Variants in RAI1 observed in about 807,000 individuals in gnomAD.
RAI1 encodes the protein retinoic acid-induced protein 1.
RAI1 carries 9 observed loss-of-function variants against 123.8 expected under a neutral mutation model. That is an observed-to-expected ratio of 0.07 (90% CI 0.04 to 0.13). RAI1 has a LOEUF of 0.13. Among genes scored for constraint, RAI1 ranks in the 10% least tolerant of loss-of-function variants. The probability of loss-of-function intolerance (pLI) is 1.00; values close to 1 mark genes in which losing one functional copy is unlikely to be tolerated. For missense variants in RAI1, 2,256 were observed against 2,545.8 expected, an observed-to-expected ratio of 0.89 and a Z score of 2.45; for synonymous variants, 1,231 against 1,127.3, an observed-to-expected ratio of 1.09 and a Z score of -1.84.
intron 1 of RAI1, among the ~76,000 whole-genome samples, chr17:17,702,132 C>T (rs552535328): frequency 6.6e-6 from 1 of 152,306 alleles, no homozygotes; most frequent in East Asian, 1.9e-4. Flanking sequence ...AATTGGAGTT[C>T]AGCCCTGGCT....
In RAI1 at chr17:17,793,634, G is replaced by A; in HGVS notation, c.686G>A (p.Gly229Asp). 6.2e-7 allele frequency: 1 copy of A among 1,613,282 alleles called. No homozygotes were observed. Among genetic ancestry groups the A allele is most frequent in the South Asian group, 1.1e-5 (1 of 91,080 alleles). The change falls in exon 3 of 6, where the codon GGT (glycine) becomes GAT (aspartate). Residue 229 changes from glycine to aspartate, a missense_variant. Gly to Asp is a moderately conservative substitution (Grantham distance 94). This residue lies in a region of RAI1 where 336 missense variants were observed against 349.8 expected (regional missense o/e 0.96). Coordinates refer to ENST00000353383, the MANE Select transcript of RAI1 (RefSeq NM_030665.4). ...SSTYSSSVQG[G>D]GQGAHSYKSC... Reference sequence around the variant, plus strand: ...ACCTACTCCTCCTCTGTCCAGGGTGGTGGGCAGGGGGCCCACTCCTATAAG... The same window carrying A: ...ACCTACTCCTCCTCTGTCCAGGGTGATGGGCAGGGGGCCCACTCCTATAAG...
chr17:17,742,445 G>A (rs537321876), intron 2 of RAI1, among the ~76,000 whole-genome samples: 2 of 152,192 alleles, frequency 1.3e-5, no homozygotes, highest in African/African-American at 2.4e-5. Flanking sequence ...ATGAATGAAC[G>A]AGTGAATGAA....
At position 17,795,335 on chromosome 17, in the gene RAI1, A is replaced by C; in HGVS notation, c.2387A>C (p.Glu796Ala). 1 of 1,602,988 alleles carries C rather than the reference A, an allele frequency of 6.2e-7. No individual in the cohort carries two copies. The highest frequency in any genetic ancestry group is 8.5e-7 in the Non-Finnish European group (1 of 1,172,202). The change falls in exon 3 of 6, where the codon GAG becomes GCG. Residue 796 changes from glutamate to alanine, a missense_variant. By Grantham distance (107) the Glu-to-Ala change is moderately radical (BLOSUM62 -1). Transcript: ENST00000353383. This position sits in a 1 kb window ranked among gnomAD's most constrained non-coding sequence, Gnocchi z 5.9. ...EASACLGFQE[E>A]DPPGEKVASL... is the part of the protein sequence containing the mutation. ...TCGGCCTGCCTGGGCTTCCAGGAGGAGGACCCCCCTGGGGAGAAGGTGGCC... is the reference window on the plus strand; with the variant it reads ...TCGGCCTGCCTGGGCTTCCAGGAGGCGGACCCCCCTGGGGAGAAGGTGGCC...
At chr17:17,712,320 T>C (rs1915590322) in intron 1 of RAI1, among the ~76,000 whole-genome samples, 1 of 152,188 alleles carries the variant, frequency 6.6e-6, no homozygotes, top group African/African-American at 2.4e-5. Flanking sequence ...GAAGCAGGGC[T>C]CCAGAACAGA....
At chr17:17,734,968 A>G (rs1916381711) in intron 2 of RAI1, among the ~76,000 whole-genome samples, 1 of 152,170 alleles carries the variant, frequency 6.6e-6, no homozygotes, top group South Asian at 2.1e-4. Flanking sequence ...TCAACAGGAC[A>G]TGGGCTTTGC....
intron 1 of RAI1, among the ~76,000 whole-genome samples, chr17:17,700,576 T>C (rs1415022032): frequency 1.3e-5 from 2 of 152,032 alleles, no homozygotes; most frequent in African/African-American, 4.8e-5. Flanking sequence ...CGGAAGCAGC[T>C]GCGCGCCGGC....
chr17:17,710,800 G>C (rs1013639326), intron 1 of RAI1, among the ~76,000 whole-genome samples: 1 of 152,228 alleles, frequency 6.6e-6, no homozygotes, highest in Admixed American at 6.5e-5. Flanking sequence ...CTGTAGGTGG[G>C]GACCTTTGGG....
chr17:17,755,341 G>A (rs1181424608), intron 2 of RAI1, among the ~76,000 whole-genome samples: 1 of 152,236 alleles, frequency 6.6e-6, no homozygotes, highest in African/African-American at 2.4e-5. Context: ...GGGCGGGAGT[G>A]ATGCAGAAAG....
Position 17,754,189 on chromosome 17 carries a change from ATCTTTTT to A in RAI1, c.-17+30032_-17+30038del, listed in dbSNP as rs2030330822. 2.5e-5 allele frequency among the ~76,000 whole-genome samples: 3 copies of A among 119,020 alleles called. No individual in the cohort carries two copies. The Admixed American group carries it at 2.6e-4, about 10-fold the overall frequency. 78.1% of individuals were successfully genotyped at this position (119,020 alleles called of 152,430 possible). A position where few individuals can be genotyped will look rare whatever the true frequency, so the allele number is the denominator to read the frequency against. On this transcript the variant is annotated intron_variant, in intron 2 of 5. Coordinates refer to ENST00000353383, the MANE Select transcript of RAI1 (RefSeq NM_030665.4). ...CATTTTATGCCATTCGCCTAACCCA[ATCTTTTT>A]TTTTTTTTTTTTTTTTTTTTTTTTT...
At chr17:17,806,744 A>G (rs1286558918) in intron 4 of RAI1, among the ~76,000 whole-genome samples, 2 of 152,188 alleles carry the variant, frequency 1.3e-5, no homozygotes, top group East Asian at 1.9e-4. Context: ...TGGCAGCCCC[A>G]GGGCTTTGAG....
intron 1 of RAI1, among the ~76,000 whole-genome samples, chr17:17,712,902 T>A (rs901322341): frequency 6.6e-6 from 1 of 151,932 alleles, no homozygotes; most frequent in Non-Finnish European, 1.5e-5. Flanking sequence ...AGGCTGCAGA[T>A]CATATGATTC....
intron 2 of RAI1, chr17:17,770,712 G>GC (rs1326231341): frequency 1.3e-5 from 2 of 152,276 alleles, no homozygotes; most frequent in African/African-American, 4.8e-5. Context: ...GGCGGCGCCA[G>GC]CCCCAGCAAT....
chr17:17,798,201 C>T lies in RAI1; in HGVS notation c.5253C>T (p.Ala1751=), dbSNP rs34383407. 9.9e-5 allele frequency: 160 copies of T among 1,612,716 alleles called. No homozygotes were observed. In the African/African-American group the frequency reaches 1.9e-3, roughly 19 times the overall value. Residue 1751 remains alanine, a synonymous_variant, in exon 3 of 6, where the codon GCC becomes GCT. Transcript: ENST00000353383. ...CCGAGTGTGCAGCTGCCGCCACTGCCGGGAAGCCCCCCAGGCCTGACGGCC... is the reference window on the plus strand; with the variant it reads ...CCGAGTGTGCAGCTGCCGCCACTGCTGGGAAGCCCCCCAGGCCTGACGGCC... The part of the protein sequence containing the change: ...KGPECAAAAT[A]GKPPRPDGPA...
intron 2 of RAI1, 53 bp from the exon 3 acceptor site, chr17:17,792,880 C>T (rs2032070359): frequency 2.4e-6 from 2 of 828,630 alleles, no homozygotes; most frequent in African/African-American, 1.7e-5. Flanking sequence ...CCTCCCTGCC[C>T]ATCCTCCCCT....
intron 1 of RAI1, among the ~76,000 whole-genome samples, chr17:17,711,419 C>T (rs1915564140): frequency 6.6e-6 from 1 of 152,230 alleles, no homozygotes; most frequent in Admixed American, 6.5e-5. Flanking sequence ...CAGGTCCTCC[C>T]AGCTCCCCGG....
Position 17,796,659 on chromosome 17 carries a change from G to T in RAI1, c.3711G>T (p.Arg1237=), listed in dbSNP as rs541218548. ...TGGCGCCGGTCCCCACCAAGAAGCGGAACCTGGTCTTGCGGAGCCGCAGCA... is the reference window on the plus strand; with the variant it reads ...TGGCGCCGGTCCCCACCAAGAAGCGTAACCTGGTCTTGCGGAGCCGCAGCA... ...AFMAPVPTKK[R]NLVLRSRSSS... Residue 1237 remains arginine, a synonymous_variant, in exon 3 of 6, where the codon CGG becomes CGT. Coordinates refer to ENST00000353383, the MANE Select transcript of RAI1 (RefSeq NM_030665.4). The surrounding 1 kb of genome is among the most constrained non-coding windows in gnomAD (Gnocchi z 5.8). The T allele has an allele frequency of 1.2e-6, 2 of 1,612,526 alleles. No individual in the cohort carries two copies. The highest frequency in any genetic ancestry group is 2.2e-5 in the South Asian group (2 of 91,066).
chr17:17,797,373 G>C lies in RAI1; in HGVS notation c.4425G>C (p.Leu1475=), dbSNP rs1381699938. 6.2e-6 allele frequency: 10 copies of C among 1,612,566 alleles called. No individual in the cohort carries two copies. In the African/African-American group the frequency reaches 1.2e-4, roughly 19 times the overall value. ...CCTATCTTGGCCCGGCTCTGCTCCT[G>C]ACTCCCCGAGACAGGGCCAGTGGCA... The part of the protein sequence containing the change: ...KRPYLGPALL[L]TPRDRASGTQ... The change falls in exon 3 of 6, where the codon CTG becomes CTC. Residue 1475 remains leucine, a synonymous_variant. Coordinates refer to ENST00000353383, the MANE Select transcript of RAI1 (RefSeq NM_030665.4).
intron 1 of RAI1, among the ~76,000 whole-genome samples, chr17:17,695,018 C>T (rs1914975162): frequency 1.3e-5 from 2 of 152,136 alleles, no homozygotes; most frequent in African/African-American, 4.8e-5. Context: ...TGCGGGTTAG[C>T]CTCGGGACGG....
At chr17:17,768,246 G>A (rs1002718676) in intron 2 of RAI1, among the ~76,000 whole-genome samples, 2 of 150,916 alleles carry the variant, frequency 1.3e-5, no homozygotes, top group Non-Finnish European at 2.9e-5. Flanking sequence ...CTTAACTTGT[G>A]CAGCTGCCCA....
Sources: gnomAD v4.1 joint callset for allele counts (sites outside exome capture counted in the v4.1 genomes callset) on GRCh38, gnomAD v4.1.1 for gene constraint, gnomAD v4.1.1 regional missense constraint, Gnocchi (gnomAD v3.1) non-coding constraint, MANE v1.5 for transcripts, NCBI Gene and HGNC (gene_info 2026-07-23, HGNC 2026-07-21) for gene names.